The following PIK3R5 variants were observed in gnomAD, a reference collection of about 807,000 sequenced individuals.
PIK3R5 encodes phosphoinositide 3-kinase regulatory subunit 5.
In PIK3R5, 32 loss-of-function variants were observed where a neutral mutation model predicts 94.9. The ratio of observed to expected loss-of-function variants is 0.34; its 90% CI spans 0.25 to 0.45. The LOEUF (loss-of-function observed/expected upper bound fraction) is 0.45, where lower values mean the gene tolerates loss of function less well. PIK3R5 is among the 20% of genes least tolerant of loss of function. PIK3R5 has a pLI of 1.00. For missense variants in PIK3R5, 853 were observed against 1,144.6 expected, an observed-to-expected ratio of 0.75 and a Z score of 3.68; for synonymous variants, 443 against 479.4, an observed-to-expected ratio of 0.92 and a Z score of 0.99.
chr17:8,954,058 C>CA (rs148047698), intron 1 of PIK3R5, among the ~76,000 whole-genome samples: 3,240 of 144,888 alleles, frequency 0.022, 62 homozygotes, highest in Middle Eastern at 0.059. Flanking sequence ...CTTTCCTCTG[C>CA]AAAAAAAAAG....
In PIK3R5 at chr17:8,888,787, A is replaced by G; in HGVS notation, c.1000T>C (p.Leu334=). Residue 334 remains leucine (L), a synonymous_variant, in exon 10 of 19, where the codon TTG becomes CTG. Coordinates refer to ENST00000447110, the MANE Select transcript of PIK3R5 (RefSeq NM_001142633.3). The surrounding 1 kb of genome is among the most constrained non-coding windows in gnomAD (Gnocchi z 7.8). ...EEEEEEVEED[L]ETDGHCAERD... ...TCGGCACAGTGCCCGTCAGTTTCCA[A>G]GTCCTCCTCCACCTCCTCCTCCTCC... 6.2e-7 allele frequency: 1 copy of G among 1,612,670 alleles called. No homozygotes were observed. Among genetic ancestry groups the G allele is most frequent in the Non-Finnish European group, 8.5e-7 (1 of 1,179,986 alleles).
At chr17:8,898,262 G>A (rs939879768) in intron 5 of PIK3R5, among the ~76,000 whole-genome samples, 5 of 152,184 alleles carry the variant, frequency 3.3e-5, no homozygotes, top group African/African-American at 1.2e-4. Context: ...CCTGCCACCC[G>A]CTGATAAGCA....
In PIK3R5 at chr17:8,890,284, C is replaced by T. The variant is rs2089990618; in HGVS notation, c.658-158G>A. ...CAGCTGGCCAGGCAGCCAGGCCTCT[C>T]CCTGCCCTTCCATTCTCAGGAAATG... is the stretch of plus-strand genomic sequence containing the variant. On this transcript the variant is annotated intron_variant, in intron 7 of 18. Transcript: ENST00000447110. This position sits in a 1 kb window ranked among gnomAD's most constrained non-coding sequence, Gnocchi z 6.1. Among the ~76,000 whole-genome samples, 1 of 152,142 alleles carries T rather than the reference C, an allele frequency of 6.6e-6. No individual in the cohort carries two copies. Among genetic ancestry groups the T allele is most frequent in the Non-Finnish European group, 1.5e-5 (1 of 68,016 alleles).
At chr17:8,894,805 GC>G (rs1374226041) in intron 5 of PIK3R5, among the ~76,000 whole-genome samples, 2 of 151,276 alleles carry the variant, frequency 1.3e-5, no homozygotes, top group Admixed American at 1.3e-4. Context: ...CCCATCGAGA[GC>G]AGGGCCACTC....
chr17:8,948,970 A>T (rs2091327320), intron 1 of PIK3R5, among the ~76,000 whole-genome samples: 1 of 152,182 alleles, frequency 6.6e-6, no homozygotes, highest in South Asian at 2.1e-4. Flanking sequence ...TCTATTAGCA[A>T]AGCTTCTCCA....
At chr17:8,922,156 G>C (rs1038435415) in intron 1 of PIK3R5, among the ~76,000 whole-genome samples, 30 of 151,952 alleles carry the variant, frequency 2.0e-4, no homozygotes, top group African/African-American at 6.8e-4. Flanking sequence ...AGGGAAGGTG[G>C]GAGGGTGGGA....
At position 8,881,487 on chromosome 17, in the gene PIK3R5, A is replaced by T. The variant is rs949246484; in HGVS notation, c.2382+143T>A. On this transcript the variant is annotated intron_variant, in intron 17 of 18. Coordinates refer to ENST00000447110, the MANE Select transcript of PIK3R5 (RefSeq NM_001142633.3). The surrounding 1 kb of genome is among the most constrained non-coding windows in gnomAD (Gnocchi z 4.8). ...CTCCCCCACCTCTCCTCTCTCTCTC[A>T]CACACACACAAGTATGTACACACGG... The T allele has an allele frequency of 2.1e-5, 15 of 706,686 alleles. No homozygotes were observed. The highest frequency in any genetic ancestry group is 3.5e-5 in the Non-Finnish European group (14 of 400,318). 43.8% of individuals were successfully genotyped at this position (706,686 alleles called of 1,614,324 possible).
At chr17:8,948,220 C>T (rs2091313706) in intron 1 of PIK3R5, among the ~76,000 whole-genome samples, 1 of 152,104 alleles carries the variant, frequency 6.6e-6, no homozygotes, top group Non-Finnish European at 1.5e-5. Flanking sequence ...ATGTTGCCTC[C>T]ATCTTTTCCT....
At chr17:8,914,546 G>C (rs1044147747) in intron 1 of PIK3R5, among the ~76,000 whole-genome samples, 23 of 152,224 alleles carry the variant, frequency 1.5e-4, no homozygotes, top group African/African-American at 4.8e-4. Context: ...AGGGTTGTCA[G>C]CCCATCTGGA....
rs369690480 is a variant in PIK3R5 at position 8,963,685 on chromosome 17, T to A, written c.-14+1911A>T. Among the ~76,000 whole-genome samples the A allele has an allele frequency of 3.9e-5, 6 of 152,178 alleles. 1 individual carries two copies. The highest frequency in any genetic ancestry group is 1.4e-4 in the African/African-American group (6 of 41,518). Reference sequence around the variant, plus strand: ...CTCGAGTAGCTGGGCAACCTGTTATTCTTGAGGGCAATAATCAACAGTGAA... The same window carrying A: ...CTCGAGTAGCTGGGCAACCTGTTATACTTGAGGGCAATAATCAACAGTGAA... On this transcript the variant is annotated intron_variant, in intron 1 of 18. Coordinates refer to ENST00000447110, the MANE Select transcript of PIK3R5 (RefSeq NM_001142633.3).
intron 1 of PIK3R5, among the ~76,000 whole-genome samples, chr17:8,918,194 T>C (rs11658949): frequency 0.04 from 6,034 of 152,316 alleles, 175 homozygotes; most frequent in Non-Finnish European, 0.055. Flanking sequence ...CAAGCACACC[T>C]AGTGCCCAGA....
intron 11 of PIK3R5, 100 bp downstream of exon 11, chr17:8,887,421 C>T (rs1232627768): frequency 7.2e-7 from 1 of 1,390,424 alleles, no homozygotes; most frequent in Non-Finnish European, 9.8e-7. Context: ...GGGAGGTGCC[C>T]TGTCAACACA....
At chr17:8,950,919 ATGTGTAAG>A (rs1013200312) in intron 1 of PIK3R5, among the ~76,000 whole-genome samples, 29 of 152,192 alleles carry the variant, frequency 1.9e-4, no homozygotes, top group African/African-American at 6.3e-4. Context: ...CCCACCAACA[ATGTGTAAG>A]TGTTCCCTTC....
intron 1 of PIK3R5, among the ~76,000 whole-genome samples, chr17:8,920,193 T>C (rs895396161): frequency 7.9e-5 from 12 of 152,078 alleles, no homozygotes; most frequent in African/African-American, 2.7e-4. Context: ...CCAGAGTGCT[T>C]TCTTAACACA....
chr17:8,888,031 A>G lies in PIK3R5; in HGVS notation c.1616+140T>C. On this transcript the variant is annotated intron_variant, in intron 10 of 18. Coordinates refer to ENST00000447110, the MANE Select transcript of PIK3R5 (RefSeq NM_001142633.3). The surrounding 1 kb of genome is among the most constrained non-coding windows in gnomAD (Gnocchi z 7.8). ...AATAATAATAATAATAATAATAATA[A>G]TAATAATAATAATAATAAAATAAAA... 1 of 220,582 alleles carries G rather than the reference A, an allele frequency of 4.5e-6. No individual in the cohort carries two copies. The highest frequency in any genetic ancestry group is 8.3e-6 in the Non-Finnish European group (1 of 120,452). 13.7% of individuals were successfully genotyped at this position (220,582 alleles called of 1,614,324 possible).
intron 5 of PIK3R5, among the ~76,000 whole-genome samples, chr17:8,900,966 C>G (rs557066865): frequency 1.3e-5 from 2 of 152,302 alleles, no homozygotes; most frequent in Admixed American, 6.5e-5. Context: ...TCATTTCGGT[C>G]TTTGGTGGAA....
At chr17:8,891,634 T>G (rs1445316366) in intron 6 of PIK3R5, among the ~76,000 whole-genome samples, 1 of 151,196 alleles carries the variant, frequency 6.6e-6, no homozygotes, top group Non-Finnish European at 1.5e-5. Flanking sequence ...CTTGTTCTTG[T>G]CACCCAGGCT....
Position 8,893,682 on chromosome 17 carries a change from T to C in PIK3R5, c.413-27A>G. The C allele has an allele frequency of 6.4e-7, 1 of 1,565,162 alleles. No individual in the cohort carries two copies. The highest frequency in any genetic ancestry group is 8.8e-7 in the Non-Finnish European group (1 of 1,135,416). ...TGTGGGTCAAGAAGAAAAGAGTTCA[T>C]GGGCTGATCAGTTCCTTCAGCATCG... On this transcript the variant is annotated intron_variant, in intron 5 of 18. Transcript: ENST00000447110. The surrounding 1 kb of genome is among the most constrained non-coding windows in gnomAD (Gnocchi z 5.1).
At chr17:8,899,866 C>T (rs370132677) in intron 5 of PIK3R5, among the ~76,000 whole-genome samples, 1 of 152,002 alleles carries the variant, frequency 6.6e-6, no homozygotes, top group East Asian at 1.9e-4. Context: ...GGTGAAACCC[C>T]GTCTCTACTA....
Sources: gnomAD v4.1 joint callset for allele counts (sites outside exome capture counted in the v4.1 genomes callset) on GRCh38, gnomAD v4.1.1 for gene constraint, Gnocchi (gnomAD v3.1) non-coding constraint, MANE v1.5 for transcripts, NCBI Gene and HGNC (gene_info 2026-07-23, HGNC 2026-07-21) for gene names.